Variants in OARD1 observed in about 807,000 individuals in gnomAD.
OARD1 encodes ADP-ribose glycohydrolase OARD1.
OARD1 carries 19 observed loss-of-function variants against 19.7 expected under a neutral mutation model. The observed-to-expected ratio is 0.96, with a 90% CI of 0.67 to 1.41. OARD1 has a LOEUF of 1.41. Ranked by LOEUF, OARD1 falls within the 40% of genes most tolerant of loss-of-function variation. The probability of loss-of-function intolerance (pLI) is 0.00; values close to 1 mark genes in which losing one functional copy is unlikely to be tolerated. For synonymous variants in OARD1, 70 were observed against 61.8 expected, an observed-to-expected ratio of 1.13 and a Z score of -0.62; for missense variants, 190 against 183.8, an observed-to-expected ratio of 1.03 and a Z score of -0.20.
chr6:41,074,035 C>T (rs1763650748), upstream of OARD1, among the ~76,000 whole-genome samples: 1 of 151,960 alleles, frequency 6.6e-6, no homozygotes, highest in African/African-American at 2.4e-5. Context: ...ACTTGCTGTT[C>T]ATATTACTAA....
chr6:41,094,121 G>T lies in OARD1; in HGVS notation c.-42+3592C>A, dbSNP rs185889284. 1.3e-3 allele frequency among the ~76,000 whole-genome samples: 203 copies of T among 150,746 alleles called. 1 individual carries two copies. Among genetic ancestry groups the T allele is most frequent in the Non-Finnish European group, 1.4e-3 (95 of 66,858 alleles). On this transcript the variant is annotated intron_variant, in intron 1 of 4. Transcript: ENST00000480585. ...TGGCCTGTTATTAAAGCAGAGGAAA[G>T]TGTATATATTGTGAAGTGTAGGTGG...
At chr6:41,094,660 C>T (rs920105062) in intron 1 of OARD1, among the ~76,000 whole-genome samples, 3 of 152,134 alleles carry the variant, frequency 2.0e-5, no homozygotes, top group African/African-American at 7.2e-5. Context: ...TATCTTAAAA[C>T]CACTAGGCCA....
Position 41,071,883 on chromosome 6 carries a change from T to C in OARD1, c.-41-208A>G, listed in dbSNP as rs146938733. On this transcript the variant is annotated intron_variant, in intron 1 of 5. Transcript: ENST00000424266. ...GGAGGCTGTCTCGACCCGCTCTCAT[T>C]TCGTGCTTTCCTGGAGCGCCCCGCT... is the stretch of plus-strand genomic sequence containing the variant. 8.0e-4 allele frequency: 403 copies of C among 500,742 alleles called. 5 individuals carry two copies. In the East Asian group the frequency reaches 0.01, roughly 13 times the overall value. The allele number at this position is 500,742 out of a possible 1,614,324, so 31.0% of individuals were successfully genotyped here.
chr6:41,080,602 GT>G, intron 1 of OARD1, among the ~76,000 whole-genome samples: 1 of 152,292 alleles, frequency 6.6e-6, no homozygotes, highest in South Asian at 2.1e-4. Context: ...GAGTTTTTGA[GT>G]CAAATTTTTG....
chr6:41,080,183 G>C (rs1045562489), intron 1 of OARD1, among the ~76,000 whole-genome samples: 1 of 152,190 alleles, frequency 6.6e-6, no homozygotes, highest in Admixed American at 6.5e-5. Context: ...GCATGGTGCT[G>C]CATGCCTGTA....
intron 1 of OARD1, chr6:41,079,050 A>G: frequency 1.3e-6 from 2 of 1,598,562 alleles, no homozygotes; most frequent in South Asian, 1.1e-5. Flanking sequence ...ACAGCCTTCT[A>G]GGATCTCCAG....
intron 1 of OARD1, among the ~76,000 whole-genome samples, chr6:41,091,131 A>G (rs1274661183): frequency 2.0e-5 from 3 of 152,220 alleles, no homozygotes; most frequent in Admixed American, 1.3e-4. Flanking sequence ...TAATACTACA[A>G]CTGACTCATT....
intron 2 of OARD1, 144 bp from the exon 3 acceptor site, chr6:41,071,420 T>G: frequency 1.0e-6 from 1 of 994,284 alleles, no homozygotes; most frequent in Non-Finnish European, 1.5e-6. Context: ...AATTACAGCA[T>G]GTGTAAAAGG....
chr6:41,089,236 G>A (rs1394797841), intron 1 of OARD1, among the ~76,000 whole-genome samples: 2 of 152,110 alleles, frequency 1.3e-5, no homozygotes, highest in African/African-American at 4.8e-5. Context: ...CACCCACCTC[G>A]GCCTTCCAAA....
At chr6:41,076,042 A>G (rs570383390), upstream of OARD1, among the ~76,000 whole-genome samples, 2 of 152,336 alleles carry the variant, frequency 1.3e-5, no homozygotes, top group South Asian at 2.1e-4. Context: ...TCAAGCGTCT[A>G]TCAGGACCCA....
chr6:41,077,029 A>C (rs1304431762), upstream of OARD1, among the ~76,000 whole-genome samples: 1 of 152,230 alleles, frequency 6.6e-6, no homozygotes, highest in African/African-American at 2.4e-5. Flanking sequence ...TATTACCAGA[A>C]TAAACTAGTT....
chr6:41,070,165 A>G (rs1256536759), intron 3 of OARD1, 31 bp from the exon 4 acceptor site: 2 of 1,221,298 alleles, frequency 1.6e-6, no homozygotes, highest in Non-Finnish European at 2.4e-6. Flanking sequence ...AGTAGAAATG[A>G]AAAAGAAAAC....
chr6:41,085,721 A>G (rs966636969), intron 1 of OARD1, among the ~76,000 whole-genome samples: 6 of 151,258 alleles, frequency 4.0e-5, no homozygotes, highest in Admixed American at 3.9e-4. Flanking sequence ...TTTTGGGCAT[A>G]ATTGTACCAT....
At chr6:41,091,550 G>T in intron 1 of OARD1, 1 of 1,614,010 alleles carries the variant, frequency 6.2e-7, no homozygotes, top group South Asian at 1.1e-5. Flanking sequence ...TTTCAGGCAT[G>T]ATCACTATCC....
chr6:41,080,972 G>A (rs1763889686), intron 1 of OARD1: 2 of 1,227,010 alleles, frequency 1.6e-6, no homozygotes. Flanking sequence ...GTTTGTGTTA[G>A]GATCTCCAGT....
chr6:41,084,205 TA>T, intron 1 of OARD1: 1 of 1,613,110 alleles, frequency 6.2e-7, no homozygotes. Context: ...GAGTAATATT[TA>T]AAAATATTGA....
chr6:41,082,505 A>G (rs1254322324), intron 1 of OARD1, among the ~76,000 whole-genome samples: 1 of 152,208 alleles, frequency 6.6e-6, no homozygotes, highest in African/African-American at 2.4e-5. Flanking sequence ...TATCATGTGC[A>G]CGAATAGCAC....
intron 1 of OARD1, among the ~76,000 whole-genome samples, chr6:41,083,875 G>A (rs1234429745): frequency 2.6e-5 from 4 of 152,178 alleles, no homozygotes; most frequent in African/African-American, 4.8e-5. Context: ...TTTAGTAACA[G>A]GATTCATAGA....
intron 1 of OARD1, among the ~76,000 whole-genome samples, chr6:41,096,041 C>G (rs534205336): frequency 1.2e-4 from 19 of 152,134 alleles, no homozygotes; most frequent in South Asian, 8.3e-4. Flanking sequence ...AATCTCCAGT[C>G]TCCTCTAATT....
Sources: gnomAD v4.1 joint callset for allele counts (sites outside exome capture counted in the v4.1 genomes callset) on GRCh38, gnomAD v4.1.1 for gene constraint, MANE v1.5 for transcripts, NCBI Gene and HGNC (gene_info 2026-07-23, HGNC 2026-07-21) for gene names.